CCDC69: variants seen among roughly 807,000 people sequenced by gnomAD.
CCDC69 encodes coiled-coil domain-containing protein 69.
A neutral mutation model predicts 40.3 loss-of-function variants in CCDC69; 38 were observed. The ratio of observed to expected loss-of-function variants is 0.94; its 90% CI spans 0.73 to 1.24. The LOEUF (loss-of-function observed/expected upper bound fraction) is 1.24, where lower values mean the gene tolerates loss of function less well. Among genes scored for constraint, CCDC69 ranks in the 50% most tolerant of loss-of-function variants. The pLI is 0.00. For missense variants in CCDC69, 389 were observed against 357.9 expected, an observed-to-expected ratio of 1.09 and a Z score of -0.70; for synonymous variants, 141 against 138.9, an observed-to-expected ratio of 1.02 and a Z score of -0.11.
chr5:151,223,876 C>T, intron 1 of CCDC69, 47 bp downstream of exon 1: 1 of 1,575,564 alleles, frequency 6.3e-7, no homozygotes, highest in Non-Finnish European at 8.6e-7. Flanking sequence ...AGCGATTCCG[C>T]ACTCCCCTCT....
chr5:151,198,147 T>G (rs1282570594), intron 4 of CCDC69, among the ~76,000 whole-genome samples: 1 of 152,246 alleles, frequency 6.6e-6, no homozygotes, highest in East Asian at 1.9e-4. Flanking sequence ...TTCTAAATTC[T>G]ATCTCGGTCT....
intron 2 of CCDC69, among the ~76,000 whole-genome samples, chr5:151,202,324 G>A (rs1752786960): frequency 6.6e-6 from 1 of 152,090 alleles, no homozygotes; most frequent in South Asian, 2.1e-4. Context: ...CTGCATCACT[G>A]CACTCCAGTC....
At chr5:151,223,827 G>A (rs1582055680) in intron 1 of CCDC69, 96 bp downstream of exon 1, 4 of 1,270,360 alleles carry the variant, frequency 3.1e-6, no homozygotes, top group East Asian at 2.8e-5. Flanking sequence ...ATCCCGGGCC[G>A]ACCAGAGAGA....
At chr5:151,223,261 G>A (rs534824223) in intron 1 of CCDC69, among the ~76,000 whole-genome samples, 9 of 152,328 alleles carry the variant, frequency 5.9e-5, no homozygotes, top group African/African-American at 1.4e-4. Context: ...AGGACAGGAA[G>A]GGAGGAGAGG....
chr5:151,196,404 G>A lies in CCDC69; in HGVS notation c.319+2593C>T, dbSNP rs576946676. 7.2e-5 allele frequency among the ~76,000 whole-genome samples: 11 copies of A among 152,154 alleles called. No individual in the cohort carries two copies. In the South Asian group the frequency reaches 1.9e-3, roughly 26 times the overall value. On this transcript the variant is annotated intron_variant, in intron 4 of 8. Transcript: ENST00000355417. ...GAACTCCTGACCTTGTGATACACCC[G>A]CCTCGGCCTCCCAAAGTGCTGGTAT...
chr5:151,217,701 C>G (rs1407678977), intron 1 of CCDC69, among the ~76,000 whole-genome samples: 1 of 152,162 alleles, frequency 6.6e-6, no homozygotes, highest in East Asian at 1.9e-4. Context: ...CCCTGTGTGT[C>G]TGTGTCCAAA....
At chr5:151,223,725 G>A (rs2114009080) in intron 1 of CCDC69, among the ~76,000 whole-genome samples, 198 bp downstream of exon 1, 1 of 152,298 alleles carries the variant, frequency 6.6e-6, no homozygotes, top group South Asian at 2.1e-4. Flanking sequence ...TGTAAACTCG[G>A]CTGCTTGGTG....
In CCDC69 at chr5:151,224,078, C is replaced by T. The variant is rs867255366; in HGVS notation, c.-108G>A. The T allele has an allele frequency of 3.5e-5, 35 of 1,006,386 alleles. 1 individual carries two copies. In the African/African-American group the frequency reaches 4.0e-4, roughly 11 times the overall value. The allele number at this position is 1,006,386 out of a possible 1,614,324, so 62.3% of individuals were successfully genotyped here. Reference sequence around the variant, plus strand: ...CGCGCCCGCCGGCTGGGGCTGCCGGCGAGACCCTGAAACTGAACCTGGAAG... The same window carrying T: ...CGCGCCCGCCGGCTGGGGCTGCCGGTGAGACCCTGAAACTGAACCTGGAAG... On this transcript the variant is annotated 5_prime_UTR_variant, in exon 1 of 9. Transcript: ENST00000355417.
At chr5:151,213,187 A>G (rs1282336787) in intron 1 of CCDC69, among the ~76,000 whole-genome samples, 1 of 152,148 alleles carries the variant, frequency 6.6e-6, no homozygotes, top group Non-Finnish European at 1.5e-5. Flanking sequence ...TTTGGGGTGA[A>G]TGGCTGTAGT....
chr5:151,187,349 C>T, intron 5 of CCDC69, 37 bp downstream of exon 5: 1 of 1,590,908 alleles, frequency 6.3e-7, no homozygotes. Context: ...TCCTCACTTA[C>T]CCTTATCCAA....
chr5:151,208,945 G>A (rs778034296), intron 1 of CCDC69, among the ~76,000 whole-genome samples: 8 of 152,188 alleles, frequency 5.3e-5, no homozygotes, highest in Non-Finnish European at 1.0e-4. Flanking sequence ...CCTCTCAACA[G>A]CACTGTGAGG....
At position 151,181,275 on chromosome 5, in the gene CCDC69, G is replaced by A. The variant is rs1766622938; in HGVS notation, c.*2162C>T. 6.6e-6 allele frequency: 1 copy of A among 152,100 alleles called. No homozygotes were observed. The highest frequency in any genetic ancestry group is 2.4e-5 in the African/African-American group (1 of 41,386). The allele number at this position is 152,100 out of a possible 1,614,324, so 9.4% of individuals were successfully genotyped here. A position where few individuals can be genotyped will look rare whatever the true frequency, so the allele number is the denominator to read the frequency against. Reference sequence around the variant, plus strand: ...TCTGTCACCCGGGCTGGAGTGCAGTGGCGCGATCTTGGCTCACTGCAAGCT... The same window carrying A: ...TCTGTCACCCGGGCTGGAGTGCAGTAGCGCGATCTTGGCTCACTGCAAGCT... On this transcript the variant is annotated 3_prime_UTR_variant, in exon 9 of 9. Transcript: ENST00000355417.
At position 151,219,794 on chromosome 5, in the gene CCDC69, A is replaced by C. The variant is rs193140808; in HGVS notation, c.48+4129T>G. 2.5e-3 allele frequency among the ~76,000 whole-genome samples: 384 copies of C among 152,222 alleles called. 3 individuals are homozygous for C. Among genetic ancestry groups the C allele is most frequent in the African/African-American group, 9.0e-3 (375 of 41,512 alleles). ...AATTTTGACTCAAAATAATAATCAG[A>C]ACAATTCCATTTTTTAATGGAATCG... On this transcript the variant is annotated intron_variant, in intron 1 of 8. Transcript: ENST00000355417.
At chr5:151,201,045 C>G (rs557766985) in intron 3 of CCDC69, among the ~76,000 whole-genome samples, 71 of 152,246 alleles carry the variant, frequency 4.7e-4, no homozygotes, top group African/African-American at 1.6e-3. Context: ...TTTATTTTGC[C>G]CTCACTACCT....
Position 151,218,855 on chromosome 5 carries a change from T to C in CCDC69, c.48+5068A>G, listed in dbSNP as rs542962632. ...TCAGGGGACCTACATCAGCCACCCA[T>C]GAATTCAATAGAGGAAAAGAATTAA... On this transcript the variant is annotated intron_variant, in intron 1 of 8. Coordinates refer to ENST00000355417, the MANE Select transcript of CCDC69 (RefSeq NM_015621.3). Among the ~76,000 whole-genome samples the C allele has an allele frequency of 5.9e-4, 90 of 152,288 alleles. 7 individuals are homozygous for C. Among genetic ancestry groups the C allele is most frequent in the Non-Finnish European group, 1.3e-4 (9 of 68,028 alleles).
intron 4 of CCDC69, 120 bp from the exon 5 acceptor site, chr5:151,187,579 G>C (rs1325975172): frequency 2.6e-6 from 2 of 766,332 alleles, no homozygotes; most frequent in Non-Finnish European, 4.5e-6. Context: ...CAGGAGTCTA[G>C]GAACGGTCTT....
intron 3 of CCDC69, among the ~76,000 whole-genome samples, chr5:151,201,156 G>C (rs762337727): frequency 2.0e-5 from 3 of 152,180 alleles, no homozygotes; most frequent in Non-Finnish European, 4.4e-5. Context: ...CATTACAACA[G>C]TCCCGTCACT....
At position 151,198,904 on chromosome 5, in the gene CCDC69, G is replaced by A. The variant is rs1377213333; in HGVS notation, c.319+93C>T. 4.5e-6 allele frequency: 4 copies of A among 888,180 alleles called. No individual in the cohort carries two copies. In the East Asian group the frequency reaches 9.6e-5, roughly 21 times the overall value. The allele number at this position is 888,180 out of a possible 1,614,324, so 55.0% of individuals were successfully genotyped here. ...TGCTTGTGGATCAGACAGACAGGGA[G>A]GGAACAGTGGGAGTGCCCAGGTGAA... On this transcript the variant is annotated intron_variant, in intron 4 of 8. Transcript: ENST00000355417.
Position 151,186,080 on chromosome 5 carries a change from G to A in CCDC69, c.438C>T (p.Ala146=). 6.2e-7 allele frequency: 1 copy of A among 1,613,946 alleles called. No homozygotes were observed. ...TGGACTCCTCCACCCTCTTCATTTT[G>A]GCCTGGAAAGCCTCCAGCTGTGAGG... ...RLTSQLEAFQ[A]KMKRVEESIL... is the part of the protein sequence containing the mutation. The change falls in exon 6 of 9, where the codon GCC becomes GCT. Residue 146 remains alanine, a synonymous_variant. Coordinates refer to ENST00000355417, the MANE Select transcript of CCDC69 (RefSeq NM_015621.3).
Sources: gnomAD v4.1 joint callset for allele counts (sites outside exome capture counted in the v4.1 genomes callset) on GRCh38, gnomAD v4.1.1 for gene constraint, MANE v1.5 for transcripts, NCBI Gene and HGNC (gene_info 2026-07-23, HGNC 2026-07-21) for gene names.